PREX2: variants seen among roughly 807,000 people sequenced by gnomAD.
PREX2 encodes the protein phosphatidylinositol 3,4,5-trisphosphate-dependent Rac exchanger 2 protein.
Under a neutral mutation model 203.2 loss-of-function variants are expected in PREX2, and 107 were observed. The ratio of observed to expected loss-of-function variants is 0.53; its 90% CI spans 0.45 to 0.62. The LOEUF is 0.62. Among genes scored for constraint, PREX2 ranks in the 20% least tolerant of loss-of-function variants. PREX2 has a pLI of 0.00. For synonymous variants in PREX2, 672 were observed against 663.6 expected (o/e 1.01, Z -0.19); for missense variants, 1,777 against 1,955.9 (o/e 0.91, Z 1.72).
intron 8 of PREX2, among the ~76,000 whole-genome samples, chr8:68,047,474 T>TATATATATATATATATACAC (rs1808389318): frequency 1.5e-3 from 6 of 4,098 alleles, no homozygotes; most frequent in African/African-American, 7.6e-3. Flanking sequence ...TGAATTTATA[T>TATATATATATATATATACAC]ATATATATAT....
In PREX2 at chr8:68,231,887, C is replaced by T. The variant is rs1302488110; in HGVS notation, c.*509C>T. 6.5e-6 allele frequency: 1 copy of T among 153,348 alleles called. No individual in the cohort carries two copies. The highest frequency in any genetic ancestry group is 2.4e-5 in the African/African-American group (1 of 41,442). 9.5% of individuals were successfully genotyped at this position (153,348 alleles called of 1,614,324 possible). ...ACTGTGTGCTATACATTTTCAGTCC[C>T]CCATTTGCAAGAGAGAAAGTCATTA... is the stretch of plus-strand genomic sequence containing the variant. On this transcript the variant is annotated 3_prime_UTR_variant, in exon 40 of 40. Coordinates refer to ENST00000288368, the MANE Select transcript of PREX2 (RefSeq NM_024870.4).
chr8:68,101,584 G>A (rs1285665394), intron 23 of PREX2, among the ~76,000 whole-genome samples: 1 of 152,132 alleles, frequency 6.6e-6, no homozygotes, highest in African/African-American at 2.4e-5. Context: ...AAACATGACC[G>A]TGCTTTGAAG....
intron 1 of PREX2, among the ~76,000 whole-genome samples, chr8:67,983,242 C>T (rs553806971): frequency 4.6e-5 from 7 of 152,180 alleles, no homozygotes; most frequent in Non-Finnish European, 7.3e-5. Context: ...GATGATGGAT[C>T]AATGGTGAAA....
Position 68,019,768 on chromosome 8 carries a change from T to C in PREX2, c.336+97T>C, listed in dbSNP as rs571461595. 14 of 1,222,308 alleles carry C rather than the reference T, an allele frequency of 1.1e-5. No homozygotes were observed. In the Admixed American group the frequency reaches 1.4e-4, roughly 13 times the overall value. 75.7% of individuals were successfully genotyped at this position (1,222,308 alleles called of 1,614,324 possible). A position where few individuals can be genotyped will look rare whatever the true frequency, so the allele number is the denominator to read the frequency against. On this transcript the variant is annotated intron_variant, in intron 3 of 39. Coordinates refer to ENST00000288368, the MANE Select transcript of PREX2 (RefSeq NM_024870.4). The stretch of plus-strand genomic sequence containing the variant: ...GTATGTGTGAATTCAGTATTAGAAG[T>C]AAAATCTGACACCAAAAGTTTAAGG...
At chr8:67,986,877 C>T (rs1806445119) in intron 1 of PREX2, among the ~76,000 whole-genome samples, 2 of 152,052 alleles carry the variant, frequency 1.3e-5, no homozygotes, top group Non-Finnish European at 2.9e-5. Context: ...TAAAAAAGAA[C>T]ATCACTGGCC....
At chr8:68,000,848 G>GA (rs1465022188) in intron 1 of PREX2, among the ~76,000 whole-genome samples, 2 of 152,076 alleles carry the variant, frequency 1.3e-5, no homozygotes, top group African/African-American at 4.8e-5. Context: ...AGCAATGGGA[G>GA]AAAAAACTCC....
chr8:67,961,352 AT>A (rs1805628320), intron 1 of PREX2, among the ~76,000 whole-genome samples: 2 of 151,966 alleles, frequency 1.3e-5, no homozygotes. Flanking sequence ...TTTATTAAAA[AT>A]TTTCAAATGT....
chr8:68,213,261 G>A (rs1016205345), intron 37 of PREX2, among the ~76,000 whole-genome samples: 13 of 152,182 alleles, frequency 8.5e-5, no homozygotes, highest in African/African-American at 2.9e-4. Context: ...AAGGAAGCTG[G>A]GATGTAAAGA....
Position 68,231,231 on chromosome 8 carries a change from G to A in PREX2, c.4776-102G>A, listed in dbSNP as rs962391460. On this transcript the variant is annotated intron_variant, in intron 39 of 39. Coordinates refer to ENST00000288368, the MANE Select transcript of PREX2 (RefSeq NM_024870.4). ...AATAGACAATCCGATCATGACTCAC[G>A]AAACAAGAAATTATCATCAATGTAT... The A allele has an allele frequency of 8.5e-6, 7 of 823,856 alleles. No homozygotes were observed. The African/African-American group carries it at 8.9e-5, about 10-fold the overall frequency. The allele number at this position is 823,856 out of a possible 1,614,324, so 51.0% of individuals were successfully genotyped here. A position where few individuals can be genotyped will look rare whatever the true frequency, so the allele number is the denominator to read the frequency against.
At chr8:67,997,471 A>G (rs1037526652) in intron 1 of PREX2, among the ~76,000 whole-genome samples, 2 of 152,186 alleles carry the variant, frequency 1.3e-5, no homozygotes, top group Admixed American at 6.5e-5. Flanking sequence ...GGACTACTGT[A>G]TTTGTCCATT....
rs779555642 is a variant in PREX2, at chr8:68,004,644, T to C, written c.142-13202T>C. On this transcript the variant is annotated intron_variant, in intron 1 of 39. Transcript: ENST00000288368. ...GATGCAAGTAATTTCTTGCTTAAAA[T>C]ACTTTTTAATATTTTTCTTAAACAT... Among the ~76,000 whole-genome samples, 58 of 152,246 alleles carry C rather than the reference T, an allele frequency of 3.8e-4. 2 individuals are homozygous for C. Among genetic ancestry groups the C allele is most frequent in the Non-Finnish European group, 8.8e-5 (6 of 68,032 alleles).
intron 1 of PREX2, 42 bp downstream of exon 1, chr8:67,952,577 C>G (rs761436404): frequency 1.3e-6 from 2 of 1,587,198 alleles, no homozygotes; most frequent in South Asian, 2.3e-5. Context: ...CCGGGCGGCG[C>G]GGGGCGCGGG....
chr8:67,998,737 T>G (rs1246990802), intron 1 of PREX2, among the ~76,000 whole-genome samples: 1 of 152,172 alleles, frequency 6.6e-6, no homozygotes, highest in African/African-American at 2.4e-5. Context: ...GCCATTGTTC[T>G]CCAGCCTGGG....
At position 68,200,840 on chromosome 8, in the gene PREX2, A is replaced by T. The variant is rs111572178; in HGVS notation, c.4604+8315A>T. 1.8e-3 allele frequency among the ~76,000 whole-genome samples: 267 copies of T among 152,294 alleles called. 1 individual carries two copies. The highest frequency in any genetic ancestry group is 6.2e-3 in the African/African-American group (258 of 41,582). ...GGTGCATATAAAAGGAGAGGATGTG[A>T]CTGCCTTTCATTATTAGAATAGGAA... is the stretch of plus-strand genomic sequence containing the variant. On this transcript the variant is annotated intron_variant, in intron 37 of 39. Transcript: ENST00000288368.
chr8:68,109,546 A>G lies in PREX2; in HGVS notation c.3069A>G (p.Gln1023=). 6.2e-7 allele frequency: 1 copy of G among 1,614,072 alleles called. No individual in the cohort carries two copies. ...YLLKEEDLET[Q]DIYQKLLGKL... The stretch of plus-strand genomic sequence containing the variant: ...TAAAAGAAGAAGACTTAGAAACCCA[A>G]GACATCTATCAGAAACTGCTGGGCA... The change falls in exon 25 of 40, where the codon CAA becomes CAG. Residue 1023 remains glutamine, a synonymous_variant. Coordinates refer to ENST00000288368, the MANE Select transcript of PREX2 (RefSeq NM_024870.4).
chr8:68,090,663 C>T lies in PREX2; in HGVS notation c.2198C>T (p.Ala733Val), dbSNP rs369802561. 6.2e-6 allele frequency: 10 copies of T among 1,613,934 alleles called. No homozygotes were observed. Among genetic ancestry groups the T allele is most frequent in the Non-Finnish European group, 8.5e-6 (10 of 1,179,872 alleles). ...ATCAATGTCAGCAAAGAGACACATG[C>T]CAGTGTCATTGCACACGTTACAGCC... is the stretch of plus-strand genomic sequence containing the variant. The part of the protein sequence containing the change: ...NGINVSKETH[A>V]SVIAHVTACR... Residue 733 changes from alanine to valine, a missense_variant, in exon 20 of 40, where the codon GCC becomes GTC. Transcript: ENST00000288368.
At chr8:68,213,006 A>G (rs1812770235) in intron 37 of PREX2, among the ~76,000 whole-genome samples, 1 of 152,092 alleles carries the variant, frequency 6.6e-6, no homozygotes. Flanking sequence ...ATATGGACGT[A>G]TTACATCATG....
At chr8:68,028,407 A>G (rs1807792717) in intron 5 of PREX2, among the ~76,000 whole-genome samples, 1 of 152,060 alleles carries the variant, frequency 6.6e-6, no homozygotes, top group Non-Finnish European at 1.5e-5. Flanking sequence ...CAAAATACTC[A>G]GAAATACTAG....
chr8:68,104,717 TC>T (rs1300760276), intron 23 of PREX2, among the ~76,000 whole-genome samples: 1 of 152,210 alleles, frequency 6.6e-6, no homozygotes, highest in Admixed American at 6.5e-5. Flanking sequence ...GAATGTAACC[TC>T]CCGGAAGACA....
Sources: gnomAD v4.1 joint callset for allele counts (sites outside exome capture counted in the v4.1 genomes callset) on GRCh38, gnomAD v4.1.1 for gene constraint, MANE v1.5 for transcripts, NCBI Gene and HGNC (gene_info 2026-07-23, HGNC 2026-07-21) for gene names.